The following SARDH variants were observed in gnomAD, a reference collection of about 807,000 sequenced individuals.
SARDH encodes the protein sarcosine dehydrogenase, mitochondrial.
Under a neutral mutation model 109.1 loss-of-function variants are expected in SARDH, and 95 were observed. The observed-to-expected ratio is 0.87, with a 90% CI of 0.74 to 1.03. The LOEUF is 1.03. Among genes scored for constraint, SARDH ranks in the 50% least tolerant of loss-of-function variants. The probability of loss-of-function intolerance (pLI) is 0.00; values close to 1 mark genes in which losing one functional copy is unlikely to be tolerated. For missense variants in SARDH, 1,267 were observed against 1,287.8 expected (o/e 0.98, Z 0.25); for synonymous variants, 572 against 534.8 (o/e 1.07, Z -0.96).
At chr9:133,674,595 G>A (rs540908316) in intron 17 of SARDH, among the ~76,000 whole-genome samples, 16 of 152,330 alleles carry the variant, frequency 1.1e-4, no homozygotes, top group Admixed American at 3.9e-4. Flanking sequence ...GAACCGTCAC[G>A]TATGTGTTCA....
At position 133,688,425 on chromosome 9, in the gene SARDH, C is replaced by T. The variant is rs540426392; in HGVS notation, c.2069+1955G>A. Among the ~76,000 whole-genome samples the T allele has an allele frequency of 2.4e-4, 37 of 152,164 alleles. No homozygotes were observed. In the South Asian group the frequency reaches 6.8e-3, roughly 28 times the overall value. ...GGGAACCACCACAACGCCAAACCCTCGCCCGTGAGCCGCATGGACTCAGCT... is the reference window on the plus strand; with the variant it reads ...GGGAACCACCACAACGCCAAACCCTTGCCCGTGAGCCGCATGGACTCAGCT... On this transcript the variant is annotated intron_variant, in intron 16 of 20. Transcript: ENST00000439388.
At chr9:133,661,410 T>C (rs911466356), downstream of SARDH, among the ~76,000 whole-genome samples, 17 of 151,874 alleles carry the variant, frequency 1.1e-4, no homozygotes, top group Admixed American at 4.6e-4. Context: ...CCCCCAACTT[T>C]TCACATGGCC....
Position 133,696,282 on chromosome 9 carries a change from C to G in SARDH, c.1748G>C (p.Gly583Ala). Residue 583 changes from glycine (G) to alanine (A), a missense_variant, in exon 14 of 21, where the codon GGG (glycine) becomes GCG (alanine). Physicochemically the swap from Gly to Ala is moderately conservative, Grantham distance 60. Transcript: ENST00000439388. ...GTCGGCAGCCTTCCTTGCATCCAGCCCCACCAGGTAGAACTTCCCGAAGTA... is the reference window on the plus strand; with the variant it reads ...GTCGGCAGCCTTCCTTGCATCCAGCGCCACCAGGTAGAACTTCCCGAAGTA... ...MSYFGKFYLVGLDARKAADWL... is the reference protein window; with the variant it reads ...MSYFGKFYLVALDARKAADWL... 6.2e-7 allele frequency: 1 copy of G among 1,614,118 alleles called. No individual in the cohort carries two copies. The highest frequency in any genetic ancestry group is 1.1e-5 in the South Asian group (1 of 91,086).
rs557018344 is a variant in SARDH, at chr9:133,709,445, C to T, written c.1329-1017G>A. ...ACGCACAAACCTCCCTGTCAGCCCC[C>T]GGCTTTCCCAGCACCCCGCCTCCCC... On this transcript the variant is annotated intron_variant, in intron 10 of 20. Coordinates refer to ENST00000439388, the MANE Select transcript of SARDH (RefSeq NM_001134707.2). The surrounding 1 kb of genome is among the most constrained non-coding windows in gnomAD (Gnocchi z 4.2). Among the ~76,000 whole-genome samples, 23 of 152,298 alleles carry T rather than the reference C, an allele frequency of 1.5e-4. No individual in the cohort carries two copies. Among genetic ancestry groups the T allele is most frequent in the African/African-American group, 4.1e-4 (17 of 41,562 alleles).
intron 6 of SARDH, among the ~76,000 whole-genome samples, chr9:133,726,550 C>T (rs1832499296): frequency 6.6e-6 from 1 of 152,090 alleles, no homozygotes; most frequent in Non-Finnish European, 1.5e-5. Flanking sequence ...CATGTCTGGA[C>T]TTACCTGCCC....
At chr9:133,688,416 C>T (rs1227743968) in intron 16 of SARDH, among the ~76,000 whole-genome samples, 1 of 151,954 alleles carries the variant, frequency 6.6e-6, no homozygotes, top group Non-Finnish European at 1.5e-5. Flanking sequence ...CACCACAACG[C>T]CAAACCCTCG....
At chr9:133,660,612 G>GAGTT (rs950037863), downstream of SARDH, among the ~76,000 whole-genome samples, 3 of 152,186 alleles carry the variant, frequency 2.0e-5, no homozygotes, top group African/African-American at 7.2e-5. Flanking sequence ...GTGTGACCCT[G>GAGTT]AGTTAGTTAC....
intron 11 of SARDH, 37 bp from the exon 12 acceptor site, chr9:133,705,068 G>A: frequency 6.5e-7 from 1 of 1,548,796 alleles, no homozygotes; most frequent in Non-Finnish European, 8.8e-7. Flanking sequence ...TGTCACGCAT[G>A]GCCTGATACC....
At chr9:133,661,891 G>A (rs1051616288), downstream of SARDH, among the ~76,000 whole-genome samples, 1 of 152,198 alleles carries the variant, frequency 6.6e-6, no homozygotes, top group Non-Finnish European at 1.5e-5. Context: ...AAATAGCTAC[G>A]AAACGGTGTT....
Position 133,663,680 on chromosome 9 carries a change from G to C in SARDH, c.*209C>G. 2 of 652,718 alleles carry C rather than the reference G, an allele frequency of 3.1e-6. No homozygotes were observed. Among genetic ancestry groups the C allele is most frequent in the Non-Finnish European group, 5.3e-6 (2 of 377,334 alleles). The allele number at this position is 652,718 out of a possible 1,614,324, so 40.4% of individuals were successfully genotyped here. A position where few individuals can be genotyped will look rare whatever the true frequency, so the allele number is the denominator to read the frequency against. The stretch of plus-strand genomic sequence containing the variant: ...TTTGCTTTCTGGGAGGATTGGGGTG[G>C]ATTAGAGACTGCCTTCCAGTCAGTG... On this transcript the variant is annotated 3_prime_UTR_variant, in exon 21 of 21. Coordinates refer to ENST00000439388, the MANE Select transcript of SARDH (RefSeq NM_001134707.2).
chr9:133,682,993 C>CA (rs1417424405), intron 17 of SARDH, among the ~76,000 whole-genome samples: 1 of 152,254 alleles, frequency 6.6e-6, no homozygotes, highest in Non-Finnish European at 1.5e-5. Flanking sequence ...CACCAATGAG[C>CA]AGGAGACTGT....
chr9:133,674,485 T>C (rs1421108905), intron 17 of SARDH, among the ~76,000 whole-genome samples: 1 of 152,184 alleles, frequency 6.6e-6, no homozygotes, highest in Non-Finnish European at 1.5e-5. Context: ...TTATGTCAGG[T>C]TTTGTTTAAA....
chr9:133,666,063 G>A lies in SARDH; in HGVS notation c.2631+672C>T, dbSNP rs1236443701. Among the ~76,000 whole-genome samples, 1 of 152,206 alleles carries A rather than the reference G, an allele frequency of 6.6e-6. No homozygotes were observed. The highest frequency in any genetic ancestry group is 2.4e-5 in the African/African-American group (1 of 41,470). On this transcript the variant is annotated intron_variant, in intron 20 of 20. Transcript: ENST00000439388. The surrounding 1 kb of genome is among the most constrained non-coding windows in gnomAD (Gnocchi z 5.2). ...GCCCACCCCCTGCCCCACCACCCCT[G>A]GCCACCCAGAGCTGTCCTGGGACTT...
In SARDH at chr9:133,686,087, G is replaced by C. The variant is rs1344238842; in HGVS notation, c.2070-801C>G. 6.6e-6 allele frequency among the ~76,000 whole-genome samples: 1 copy of C among 152,162 alleles called. No homozygotes were observed. The highest frequency in any genetic ancestry group is 1.5e-5 in the Non-Finnish European group (1 of 68,014). ...GAGTGCCACAGTGCTATGAGGGCCC[G>C]GGAATGTTCCTGAGCACTGGACACT... On this transcript the variant is annotated intron_variant, in intron 16 of 20. Coordinates refer to ENST00000439388, the MANE Select transcript of SARDH (RefSeq NM_001134707.2). This position sits in a 1 kb window ranked among gnomAD's most constrained non-coding sequence, Gnocchi z 4.0.
rs1055669673 is a variant in SARDH, at chr9:133,709,453, C to T, written c.1329-1025G>A. Among the ~76,000 whole-genome samples, 1 of 152,170 alleles carries T rather than the reference C, an allele frequency of 6.6e-6. No homozygotes were observed. Among genetic ancestry groups the T allele is most frequent in the African/African-American group, 2.4e-5 (1 of 41,436 alleles). On this transcript the variant is annotated intron_variant, in intron 10 of 20. Coordinates refer to ENST00000439388, the MANE Select transcript of SARDH (RefSeq NM_001134707.2). The surrounding 1 kb of genome is among the most constrained non-coding windows in gnomAD (Gnocchi z 4.2). ...ACCTCCCTGTCAGCCCCCGGCTTTC[C>T]CAGCACCCCGCCTCCCCCTCACGCT...
At chr9:133,685,156 A>G (rs1329794109) in intron 17 of SARDH, 37 bp downstream of exon 17, 1 of 1,573,750 alleles carries the variant, frequency 6.4e-7, no homozygotes. Flanking sequence ...CCATGCTGCC[A>G]CCCACGACCC....
intron 13 of SARDH, among the ~76,000 whole-genome samples, chr9:133,698,284 G>T (rs1286108392): frequency 6.6e-6 from 1 of 152,038 alleles, no homozygotes; most frequent in African/African-American, 2.4e-5. Flanking sequence ...CTAAATAAGT[G>T]GAAAGACAGC....
chr9:133,689,484 G>C (rs1265335722), intron 16 of SARDH, among the ~76,000 whole-genome samples: 1 of 152,160 alleles, frequency 6.6e-6, no homozygotes, highest in Non-Finnish European at 1.5e-5. Context: ...CTTGAAAAAG[G>C]GTGGCGGTGA....
chr9:133,717,564 T>C (rs1832172525), intron 7 of SARDH, 109 bp from the exon 8 acceptor site: 2 of 1,470,304 alleles, frequency 1.4e-6, no homozygotes, highest in African/African-American at 2.8e-5. Flanking sequence ...CTGAATCAGA[T>C]GCATTAGAGG....
Sources: allele counts gnomAD v4.1 joint callset (sites outside exome capture counted in the v4.1 genomes callset), GRCh38; gene constraint gnomAD v4.1.1; non-coding constraint Gnocchi (gnomAD v3.1); transcripts MANE v1.5; gene names NCBI Gene and HGNC (gene_info 2026-07-23, HGNC 2026-07-21).